The following NRG3 variants were observed in gnomAD, a reference collection of about 807,000 sequenced individuals.
NRG3 encodes the protein neuregulin 3.
Under a neutral mutation model 66.9 loss-of-function variants are expected in NRG3, and 31 were observed. The observed-to-expected ratio is 0.46, with a 90% CI of 0.35 to 0.63. The LOEUF is 0.63. NRG3 is among the 20% of genes least tolerant of loss of function. The pLI is 0.00. For missense variants in NRG3, 910 were observed against 878.9 expected (o/e 1.04, Z -0.45); for synonymous variants, 393 against 359.4 (o/e 1.09, Z -1.06).
chr10:81,962,745 C>T (rs1170920911), intron 1 of NRG3, among the ~76,000 whole-genome samples: 2 of 152,180 alleles, frequency 1.3e-5, no homozygotes, highest in Non-Finnish European at 2.9e-5. Context: ...CTAGAGGTTC[C>T]CCTCCAAGAT....
chr10:82,474,322 A>G (rs999107231), intron 2 of NRG3, among the ~76,000 whole-genome samples: 15 of 152,142 alleles, frequency 9.9e-5, no homozygotes, highest in African/African-American at 3.1e-4. Context: ...GCTGACTTAA[A>G]TTTTCTCAAG....
chr10:81,893,528 G>A (rs1843228276), intron 1 of NRG3, among the ~76,000 whole-genome samples: 1 of 152,102 alleles, frequency 6.6e-6, no homozygotes, highest in African/African-American at 2.4e-5. Context: ...TGACTGAGCA[G>A]TTCATATACT....
At chr10:82,102,150 A>G (rs553914178) in intron 1 of NRG3, among the ~76,000 whole-genome samples, 26 of 80,138 alleles carry the variant, frequency 3.2e-4, no homozygotes, top group East Asian at 1.7e-3. Context: ...ATATATATAT[A>G]TATATATATA....
intron 1 of NRG3, among the ~76,000 whole-genome samples, chr10:82,021,119 G>A (rs1208639783): frequency 6.6e-6 from 1 of 151,966 alleles, no homozygotes; most frequent in Non-Finnish European, 1.5e-5. Flanking sequence ...CTGCAGTGTG[G>A]AGCTGTGATC....
At chr10:81,995,409 T>C (rs1389338305) in intron 1 of NRG3, among the ~76,000 whole-genome samples, 1 of 152,194 alleles carries the variant, frequency 6.6e-6, no homozygotes, top group Admixed American at 6.6e-5. Flanking sequence ...TTCATGCATG[T>C]TGTGGCCGGA....
At chr10:82,840,941 T>A (rs2063027086) in intron 3 of NRG3, among the ~76,000 whole-genome samples, 1 of 152,140 alleles carries the variant, frequency 6.6e-6, no homozygotes, top group Non-Finnish European at 1.5e-5. Flanking sequence ...TAAGCCCTAG[T>A]ACCTGTATCG....
chr10:82,856,743 C>CAG (rs1554828550), intron 3 of NRG3, among the ~76,000 whole-genome samples: 14 of 66,420 alleles, frequency 2.1e-4, no homozygotes, highest in Non-Finnish European at 4.0e-4. Context: ...GACTCTGTCT[C>CAG]AAAAAAAAAA....
intron 2 of NRG3, among the ~76,000 whole-genome samples, chr10:82,559,407 A>C (rs1218097528): frequency 6.6e-6 from 1 of 152,224 alleles, no homozygotes; most frequent in African/African-American, 2.4e-5. Context: ...AAGTTTGGCT[A>C]AGCCGAGGGG....
At chr10:82,276,628 G>A (rs981007499) in intron 1 of NRG3, among the ~76,000 whole-genome samples, 2 of 152,000 alleles carry the variant, frequency 1.3e-5, no homozygotes, top group Admixed American at 6.6e-5. Context: ...TCTTTAAATA[G>A]AAATAAGCAC....
chr10:81,988,217 C>T (rs767309806), intron 1 of NRG3, among the ~76,000 whole-genome samples: 2 of 152,068 alleles, frequency 1.3e-5, no homozygotes, highest in East Asian at 1.9e-4. Flanking sequence ...GTCTAGAGGT[C>T]GTAGGAGTTA....
chr10:82,176,197 C>T (rs1299566471), intron 1 of NRG3, among the ~76,000 whole-genome samples: 7 of 152,128 alleles, frequency 4.6e-5, no homozygotes, highest in Admixed American at 4.6e-4. Flanking sequence ...CTTTAGAAGC[C>T]ATTTTATGAG....
At chr10:82,791,459 ACT>A (rs1307818323) in intron 3 of NRG3, among the ~76,000 whole-genome samples, 1 of 151,480 alleles carries the variant, frequency 6.6e-6, no homozygotes, top group Non-Finnish European at 1.5e-5. Context: ...ATCAAGTAGA[ACT>A]CTCTTCCTTT....
At chr10:82,657,131 C>T (rs1234680226) in intron 2 of NRG3, among the ~76,000 whole-genome samples, 1 of 152,170 alleles carries the variant, frequency 6.6e-6, no homozygotes, top group East Asian at 1.9e-4. Flanking sequence ...CCTTGAAATC[C>T]TCATACTTTG....
At chr10:82,598,149 T>A (rs1225790080) in intron 2 of NRG3, among the ~76,000 whole-genome samples, 13 of 152,172 alleles carry the variant, frequency 8.5e-5, no homozygotes, top group African/African-American at 1.4e-4. Context: ...AGAGTTTTTT[T>A]AAAAAAATTT....
chr10:82,592,429 T>A (rs902354268), intron 2 of NRG3, among the ~76,000 whole-genome samples: 3 of 152,206 alleles, frequency 2.0e-5, no homozygotes, highest in Non-Finnish European at 2.9e-5. Context: ...TAGATCTCAG[T>A]CACATGGCAA....
chr10:82,899,014 G>A (rs1053841219), intron 4 of NRG3, among the ~76,000 whole-genome samples: 9 of 152,178 alleles, frequency 5.9e-5, no homozygotes, highest in Admixed American at 2.6e-4. Flanking sequence ...CTGGCCAGGA[G>A]TTTTTATTTC....
At chr10:82,840,605 A>C (rs547596322) in intron 3 of NRG3, among the ~76,000 whole-genome samples, 1 of 152,266 alleles carries the variant, frequency 6.6e-6, no homozygotes, top group African/African-American at 2.4e-5. Flanking sequence ...AAAGTTATTA[A>C]AGAGAATATC....
At chr10:82,015,779 A>G (rs2061762152) in intron 1 of NRG3, among the ~76,000 whole-genome samples, 1 of 151,966 alleles carries the variant, frequency 6.6e-6, no homozygotes, top group Non-Finnish European at 1.5e-5. Flanking sequence ...TAAGGCTAGT[A>G]AATAGCCATA....
intron 1 of NRG3, among the ~76,000 whole-genome samples, chr10:82,017,296 G>C (rs1428660046): frequency 6.6e-6 from 1 of 152,162 alleles, no homozygotes; most frequent in Non-Finnish European, 1.5e-5. Context: ...AGTATTCCAT[G>C]GTGTATATGT....
Sources: gnomAD v4.1 joint callset for allele counts (sites outside exome capture counted in the v4.1 genomes callset) on GRCh38, gnomAD v4.1.1 for gene constraint, MANE v1.5 for transcripts, NCBI Gene and HGNC (gene_info 2026-07-23, HGNC 2026-07-21) for gene names.